Variants in ADORA2B observed in about 807,000 individuals in gnomAD.
ADORA2B encodes the protein adenosine receptor A2b.
ADORA2B carries 18 observed loss-of-function variants against 20.8 expected under a neutral mutation model. The ratio of observed to expected loss-of-function variants is 0.87; its 90% confidence interval spans 0.60 to 1.29. The LOEUF is 1.29. ADORA2B is among the 50% of genes most tolerant of loss of function. The probability of loss-of-function intolerance (pLI) is 0.00; values close to 1 mark genes in which losing one functional copy is unlikely to be tolerated. For synonymous variants in ADORA2B, 179 were observed against 178.3 expected, an observed-to-expected ratio of 1.00 and a Z score of -0.03; for missense variants, 441 against 422.7, an observed-to-expected ratio of 1.04 and a Z score of -0.38.
intron 1 of ADORA2B, among the ~76,000 whole-genome samples, chr17:15,959,577 G>C (rs574865292): frequency 6.7e-6 from 1 of 149,280 alleles, no homozygotes; most frequent in Non-Finnish European, 1.5e-5. Flanking sequence ...CTGAGCTCAC[G>C]GCAACCTCCG....
chr17:15,965,115 G>T (rs1970099360), intron 1 of ADORA2B, among the ~76,000 whole-genome samples: 1 of 152,178 alleles, frequency 6.6e-6, no homozygotes, highest in Non-Finnish European at 1.5e-5. Flanking sequence ...TGAAAAAATG[G>T]GAGGCTGCTC....
intron 1 of ADORA2B, among the ~76,000 whole-genome samples, chr17:15,948,885 G>A (rs1187956926): frequency 2.0e-5 from 3 of 152,200 alleles, no homozygotes; most frequent in African/African-American, 2.4e-5. Flanking sequence ...TTGGCGGGGG[G>A]TTCTGAATGT....
intron 1 of ADORA2B, among the ~76,000 whole-genome samples, chr17:15,948,407 G>GGGGGGGGGGGGGGGGC (rs56222691): frequency 6.2e-4 from 21 of 33,744 alleles, no homozygotes; most frequent in Admixed American, 2.6e-3. Flanking sequence ...GCGGCGGGGG[G>GGGGGGGGGGGGGGGGC]CTCCAGTCCC....
At chr17:15,858,513 G>A in the ADORA2B span, among the ~76,000 whole-genome samples, 1 of 152,206 alleles carries the variant, frequency 6.6e-6, no homozygotes, top group Non-Finnish European at 1.5e-5. Flanking sequence ...GTGAAAGGGA[G>A]ACTTTCTCTT....
chr17:15,938,074 G>A, the ADORA2B span, among the ~76,000 whole-genome samples: 1 of 152,088 alleles, frequency 6.6e-6, no homozygotes, highest in East Asian at 1.9e-4. Flanking sequence ...GCTGGTTGTA[G>A]TGGATCATAT....
intron 1 of ADORA2B, among the ~76,000 whole-genome samples, chr17:15,964,827 C>T (rs1363864280): frequency 2.0e-5 from 3 of 151,458 alleles, no homozygotes; most frequent in Admixed American, 6.6e-5. Flanking sequence ...TTTGGGAGGC[C>T]AAGGTGGGCG....
chr17:15,861,023 G>C, the ADORA2B span: 1 of 152,198 alleles, frequency 6.6e-6, no homozygotes, highest in Non-Finnish European at 1.5e-5. Flanking sequence ...GTCTCAAACA[G>C]TAAGAAATCA....
At chr17:15,948,213 G>A (rs1334451188) in intron 1 of ADORA2B, among the ~76,000 whole-genome samples, 1 of 115,118 alleles carries the variant, frequency 8.7e-6, no homozygotes, top group Non-Finnish European at 2.0e-5. Flanking sequence ...ACCTGCCACC[G>A]CATTGCCAAG....
At chr17:15,916,165 C>T in the ADORA2B span, among the ~76,000 whole-genome samples, 1 of 152,152 alleles carries the variant, frequency 6.6e-6, no homozygotes, top group Non-Finnish European at 1.5e-5. Flanking sequence ...GAGCTGTCTC[C>T]CTCCAAAGGC....
At chr17:15,859,547 G>A in the ADORA2B span, among the ~76,000 whole-genome samples, 1 of 152,002 alleles carries the variant, frequency 6.6e-6, no homozygotes, top group Non-Finnish European at 1.5e-5. Flanking sequence ...TTGCTATGTA[G>A]CTCTAAACAA....
At chr17:15,919,102 A>T in the ADORA2B span, among the ~76,000 whole-genome samples, 1 of 152,174 alleles carries the variant, frequency 6.6e-6, no homozygotes, top group Non-Finnish European at 1.5e-5. Flanking sequence ...CCCTAAGCAG[A>T]TACACTCCAG....
Position 15,945,432 on chromosome 17 carries a change from C to G in ADORA2B, c.184C>G (p.Pro62Ala). Reference sequence around the variant, plus strand: ...CGTGGCCGTGGGGCTCTTCGCCATCCCCTTTGCCATCACCATCAGCCTGGG... The same window carrying G: ...CGTGGCCGTGGGGCTCTTCGCCATCGCCTTTGCCATCACCATCAGCCTGGG... ...ADVAVGLFAI[P>A]FAITISLGFC... is the part of the protein sequence containing the mutation. The change falls in exon 1 of 2, where the codon CCC (proline) becomes GCC (alanine). Residue 62 changes from proline to alanine, a missense_variant. Transcript: ENST00000304222. 1 of 1,613,760 alleles carries G rather than the reference C, an allele frequency of 6.2e-7. No individual in the cohort carries two copies. Among genetic ancestry groups the G allele is most frequent in the Non-Finnish European group, 8.5e-7 (1 of 1,179,974 alleles).
the ADORA2B span, among the ~76,000 whole-genome samples, chr17:15,856,968 G>A: frequency 8.5e-5 from 13 of 152,346 alleles, no homozygotes; most frequent in East Asian, 2.3e-3. Context: ...AATGTCCCCA[G>A]GACATGTCAG....
Position 15,974,891 on chromosome 17 carries a change from TATATTTCA to T in ADORA2B, c.551_558del (p.Tyr184PhefsTer18). 1.2e-6 allele frequency: 2 copies of T among 1,614,146 alleles called. No individual in the cohort carries two copies. The highest frequency in any genetic ancestry group is 1.7e-6 in the Non-Finnish European group (2 of 1,180,008). On this transcript the variant is annotated frameshift_variant, in exon 2 of 2. Coordinates refer to ENST00000304222, the MANE Select transcript of ADORA2B (RefSeq NM_000676.4). LOFTEE classifies it high-confidence loss of function. ...AATGTGGTCCCCATGAGCTACATGGTATATTTCAATTTCTTTGGGTGTGTTCTGCCCCC... is the reference window on the plus strand; with the variant it reads ...AATGTGGTCCCCATGAGCTACATGGTATTTCTTTGGGTGTGTTCTGCCCCC...
the ADORA2B span, among the ~76,000 whole-genome samples, chr17:15,853,352 A>G: frequency 7.7e-4 from 117 of 152,360 alleles, no homozygotes; most frequent in Admixed American, 2.2e-3. Flanking sequence ...TTGTGATGAA[A>G]AGATTATCTT....
chr17:15,920,227 C>T, the ADORA2B span, among the ~76,000 whole-genome samples: 9 of 152,068 alleles, frequency 5.9e-5, no homozygotes, highest in South Asian at 1.0e-3. Flanking sequence ...GGTGCGAAGG[C>T]GGAAGGGAGA....
chr17:15,945,743 C>T (rs2041456), intron 1 of ADORA2B, among the ~76,000 whole-genome samples, 160 bp downstream of exon 1: 1,589 of 152,272 alleles, frequency 0.01, 29 homozygotes, highest in African/African-American at 0.036. Flanking sequence ...CACCCCGCAA[C>T]GCTAGACCAG....
At chr17:15,883,471 CAGCCAGAACTGTGGTTCTGGA>C in the ADORA2B span, among the ~76,000 whole-genome samples, 2 of 152,188 alleles carry the variant, frequency 1.3e-5, no homozygotes, top group East Asian at 3.9e-4. Context: ...GGTGGTCTCT[CAGCCAGAACTGTGGTTCTGGA>C]GGAGAGGAGG....
At chr17:15,857,985 A>C in the ADORA2B span, among the ~76,000 whole-genome samples, 1 of 144,180 alleles carries the variant, frequency 6.9e-6, no homozygotes, top group Non-Finnish European at 1.6e-5. Context: ...ATTATGTACC[A>C]TCTTTTCTTC....
Sources: allele counts gnomAD v4.1 joint callset (sites outside exome capture counted in the v4.1 genomes callset), GRCh38; gene constraint gnomAD v4.1.1; transcripts MANE v1.5; gene names NCBI Gene and HGNC (gene_info 2026-07-23, HGNC 2026-07-21).